The following SASH1 variants were observed in gnomAD, a reference collection of about 807,000 sequenced individuals.
The protein encoded by SASH1 is SAM and SH3 domain-containing protein 1.
Under a neutral mutation model 125.2 loss-of-function variants are expected in SASH1, and 44 were observed. That is an observed-to-expected ratio of 0.35 (90% CI 0.28 to 0.45). SASH1 has a LOEUF of 0.45. Among genes scored for constraint, SASH1 ranks in the 20% least tolerant of loss-of-function variants. The probability of loss-of-function intolerance (pLI) is 1.00; values close to 1 mark genes in which losing one functional copy is unlikely to be tolerated. For synonymous variants in SASH1, 639 were observed against 649.1 expected (o/e 0.98, Z 0.24); for missense variants, 1,426 against 1,614.5 (o/e 0.88, Z 2.00).
intron 8 of SASH1, among the ~76,000 whole-genome samples, chr6:148,511,916 A>G (rs552807690): frequency 6.6e-6 from 1 of 152,320 alleles, no homozygotes; most frequent in South Asian, 2.1e-4. Flanking sequence ...TATGAGGTAT[A>G]CACATCAGTA....
intron 8 of SASH1, among the ~76,000 whole-genome samples, chr6:148,488,018 G>T (rs1020337006): frequency 6.6e-6 from 1 of 150,428 alleles, no homozygotes; most frequent in African/African-American, 2.4e-5. Context: ...TAATGATATT[G>T]ATCATTAAGT....
intron 16 of SASH1, among the ~76,000 whole-genome samples, chr6:148,538,830 A>G (rs1048368338): frequency 1.3e-5 from 2 of 152,226 alleles, no homozygotes; most frequent in Admixed American, 6.5e-5. Flanking sequence ...ATGAAAAGAA[A>G]GGAAAATAAA....
At chr6:148,316,765 T>C (rs1440949478) in intron 1 of SASH1, among the ~76,000 whole-genome samples, 1 of 152,210 alleles carries the variant, frequency 6.6e-6, no homozygotes, top group Non-Finnish European at 1.5e-5. Flanking sequence ...TCACCATATG[T>C]TGAGATGATA....
rs2294786 is a variant in SASH1 at position 148,533,226 on chromosome 6, G to A, written c.1734+260G>A. Reference sequence around the variant, plus strand: ...ACCTCAGCTTCCCTCTAGAATTCCTGTTGCACACCCTCCCTCTCCCCACCT... The same window carrying A: ...ACCTCAGCTTCCCTCTAGAATTCCTATTGCACACCCTCCCTCTCCCCACCT... On this transcript the variant is annotated intron_variant, in intron 14 of 19. Coordinates refer to ENST00000367467, the MANE Select transcript of SASH1 (RefSeq NM_015278.5). This position sits in a 1 kb window ranked among gnomAD's most constrained non-coding sequence, Gnocchi z 6.2. Among the ~76,000 whole-genome samples, 64,379 of 151,892 alleles carry A rather than the reference G, an allele frequency of 0.42. 13,883 individuals are homozygous for A. The highest frequency in any genetic ancestry group is 0.48 in the African/African-American group (19,770 of 41,360).
At position 148,545,980 on chromosome 6, in the gene SASH1, G is replaced by T. The variant is rs200784112; in HGVS notation, c.3349-35G>T. The stretch of plus-strand genomic sequence containing the variant: ...AGGGAAAGAAAAACAAAATCCTTAT[G>T]ACTCTTGATGTCATATTCCTGTTCT... On this transcript the variant is annotated intron_variant, in intron 18 of 19. Coordinates refer to ENST00000367467, the MANE Select transcript of SASH1 (RefSeq NM_015278.5). The T allele has an allele frequency of 5.7e-4, 916 of 1,600,540 alleles. 2 individuals carry two copies. Among genetic ancestry groups the T allele is most frequent in the Non-Finnish European group, 7.5e-4 (883 of 1,174,530 alleles).
intron 7 of SASH1, among the ~76,000 whole-genome samples, chr6:148,474,510 A>G (rs561492596): frequency 1.3e-5 from 2 of 152,328 alleles, no homozygotes; most frequent in Admixed American, 1.3e-4. Flanking sequence ...AAAGAATGTA[A>G]TCAGTAGTAA....
chr6:148,402,934 T>G (rs1003311803), intron 2 of SASH1, among the ~76,000 whole-genome samples: 2 of 152,040 alleles, frequency 1.3e-5, no homozygotes, highest in African/African-American at 4.8e-5. Context: ...TAAAAGCACA[T>G]TAGAGTTGAC....
At chr6:148,259,346 T>C in the SASH1 span, among the ~76,000 whole-genome samples, 6 of 152,282 alleles carry the variant, frequency 3.9e-5, no homozygotes, top group South Asian at 1.2e-3. Flanking sequence ...CCCAAACTGT[T>C]CCCAGTTTGT....
At chr6:148,483,191 C>T (rs1778704578) in intron 7 of SASH1, among the ~76,000 whole-genome samples, 1 of 152,062 alleles carries the variant, frequency 6.6e-6, no homozygotes, top group African/African-American at 2.4e-5. Context: ...AGGCTGCTTC[C>T]ACTTATGGTG....
At chr6:148,513,032 G>C in intron 8 of SASH1, 1 of 985,334 alleles carries the variant, frequency 1.0e-6, no homozygotes. Context: ...AGTGCAAAGA[G>C]GACTCACAAC....
At chr6:148,538,711 G>A (rs1264746300) in intron 16 of SASH1, among the ~76,000 whole-genome samples, 1 of 152,168 alleles carries the variant, frequency 6.6e-6, no homozygotes, top group East Asian at 1.9e-4. Flanking sequence ...AGAGCCTTCT[G>A]CCTCCCCGCA....
intron 1 of SASH1, among the ~76,000 whole-genome samples, chr6:148,361,670 A>G (rs1186768107): frequency 2.6e-5 from 4 of 152,096 alleles, no homozygotes; most frequent in African/African-American, 9.7e-5. Flanking sequence ...GCACAGCCCT[A>G]CACCTTGGCC....
chr6:148,524,121 A>ATATATATATATATT (rs1193506716), intron 10 of SASH1, among the ~76,000 whole-genome samples: 29 of 128,596 alleles, frequency 2.3e-4, no homozygotes, highest in Admixed American at 4.7e-4. Context: ...ATATATATAT[A>ATATATATATATATT]TTTTTTTTAA....
At chr6:148,335,180 C>T (rs1430561585) in intron 1 of SASH1, among the ~76,000 whole-genome samples, 1 of 151,002 alleles carries the variant, frequency 6.6e-6, no homozygotes. Context: ...TGCCTGTAAT[C>T]CTAGCTACTT....
intron 8 of SASH1, 129 bp downstream of exon 8, chr6:148,487,844 A>C: frequency 1.7e-6 from 1 of 575,092 alleles, no homozygotes; most frequent in Non-Finnish European, 3.0e-6. Flanking sequence ...GTGTCTGTTC[A>C]TATAGATTGC....
intron 1 of SASH1, among the ~76,000 whole-genome samples, chr6:148,367,417 G>C (rs1782514636): frequency 6.6e-6 from 1 of 151,988 alleles, no homozygotes; most frequent in Non-Finnish European, 1.5e-5. Flanking sequence ...GTTTTTAGTT[G>C]CATGGCTGCC....
intron 8 of SASH1, among the ~76,000 whole-genome samples, chr6:148,512,141 C>T (rs1038096014): frequency 4.1e-4 from 63 of 152,160 alleles, no homozygotes; most frequent in African/African-American, 1.5e-3. Context: ...GCCTCAGCCT[C>T]CTGAGTAGCT....
At chr6:148,294,866 A>G (rs1234622936) in intron 1 of SASH1, among the ~76,000 whole-genome samples, 1 of 152,204 alleles carries the variant, frequency 6.6e-6, no homozygotes, top group African/African-American at 2.4e-5. Context: ...AAGGTATTCT[A>G]GTCTCCACCA....
At chr6:148,293,427 T>C (rs377675444) in intron 1 of SASH1, among the ~76,000 whole-genome samples, 11 of 152,250 alleles carry the variant, frequency 7.2e-5, no homozygotes, top group African/African-American at 2.7e-4. Flanking sequence ...TCTTCCCTTC[T>C]GAATGGAAGT....
Sources: gnomAD v4.1 joint callset for allele counts (sites outside exome capture counted in the v4.1 genomes callset) on GRCh38, gnomAD v4.1.1 for gene constraint, Gnocchi (gnomAD v3.1) non-coding constraint, MANE v1.5 for transcripts, NCBI Gene and HGNC (gene_info 2026-07-23, HGNC 2026-07-21) for gene names.